FAT4: variants seen among roughly 807,000 people sequenced by gnomAD.
FAT4 encodes FAT atypical cadherin 4.
Under a neutral mutation model 303.9 loss-of-function variants are expected in FAT4, and 84 were observed. The ratio of observed to expected loss-of-function variants is 0.28; its 90% confidence interval spans 0.23 to 0.33. FAT4 has a LOEUF of 0.33. FAT4 is among the 10% of genes least tolerant of loss of function. FAT4 has a pLI of 1.00. For synonymous variants in FAT4, 2,307 were observed against 2,298.8 expected (o/e 1.00, Z -0.10); for missense variants, 6,005 against 6,146.8 (o/e 0.98, Z 0.77).
intron 2 of FAT4, among the ~76,000 whole-genome samples, chr4:125,364,854 T>C (rs988970678): frequency 2.0e-5 from 3 of 151,718 alleles, no homozygotes; most frequent in Non-Finnish European, 4.4e-5. Context: ...CCATCAAGAG[T>C]TTTTATCAAA....
rs918602781 is a variant in FAT4 at position 125,335,549 on chromosome 4, T to A, written c.5175+13963T>A. Among the ~76,000 whole-genome samples, 69 of 152,140 alleles carry A rather than the reference T, an allele frequency of 4.5e-4. 1 individual carries two copies. Among genetic ancestry groups the A allele is most frequent in the Non-Finnish European group, 1.6e-4 (11 of 68,018 alleles). On this transcript the variant is annotated intron_variant, in intron 2 of 17. Transcript: ENST00000394329. ...TATTCCATTAGTTAATAATATAATT[T>A]ATAATACACGGAGGAAACATTTGAA...
intron 2 of FAT4, chr4:125,362,678 AT>A (rs1238382836): frequency 6.6e-6 from 1 of 152,214 alleles, no homozygotes; most frequent in Non-Finnish European, 1.5e-5. Flanking sequence ...AGGAAAATGT[AT>A]TGCACTATAT....
intron 2 of FAT4, among the ~76,000 whole-genome samples, chr4:125,353,160 T>C (rs1732294838): frequency 6.6e-6 from 1 of 151,740 alleles, no homozygotes; most frequent in African/African-American, 2.4e-5. Flanking sequence ...TTTCAAGAAA[T>C]ACTCAGTTCT....
intron 16 of FAT4, among the ~76,000 whole-genome samples, chr4:125,485,669 C>T (rs1330479369): frequency 6.6e-6 from 1 of 152,090 alleles, no homozygotes; most frequent in African/African-American, 2.4e-5. Context: ...TCATTAGAAG[C>T]AGTACCCTCT....
Position 125,317,122 on chromosome 4 carries a change from C to G in FAT4, c.711C>G (p.Asn237Lys). The G allele has an allele frequency of 1.2e-6, 2 of 1,613,720 alleles. No individual in the cohort carries two copies. Among genetic ancestry groups the G allele is most frequent in the Non-Finnish European group, 1.7e-6 (2 of 1,180,022 alleles). Residue 237 changes from asparagine (N) to lysine (K), a missense_variant, in exon 2 of 18, where the codon AAC (asparagine) becomes AAG (lysine). Transcript: ENST00000394329. The surrounding 1 kb of genome is among the most constrained non-coding windows in gnomAD (Gnocchi z 7.0). ...AGCGGCGGGGCTACCTTCAGGTAAA[C>G]GTGACTGTGCAAGACATTAATGACA... ...EPKRRGYLQV[N>K]VTVQDINDNP...
chr4:125,433,765 G>A (rs928984894), intron 7 of FAT4, among the ~76,000 whole-genome samples: 3 of 152,176 alleles, frequency 2.0e-5, no homozygotes, highest in African/African-American at 7.2e-5. Context: ...ATGGGAAAGG[G>A]ATTTAAATAC....
At chr4:125,412,444 ATGT>A (rs1734882844) in intron 5 of FAT4, among the ~76,000 whole-genome samples, 1 of 151,728 alleles carries the variant, frequency 6.6e-6, no homozygotes, top group Non-Finnish European at 1.5e-5. Context: ...TTTATTTTTA[ATGT>A]TGTTACTTAA....
At chr4:125,475,641 C>T (rs544234340) in intron 12 of FAT4, among the ~76,000 whole-genome samples, 107 of 152,148 alleles carry the variant, frequency 7.0e-4, no homozygotes, top group African/African-American at 2.6e-3. Flanking sequence ...CTTGATTTAA[C>T]AAATTTCAAA....
intron 17 of FAT4, among the ~76,000 whole-genome samples, chr4:125,488,923 A>T (rs1220048115): frequency 6.6e-6 from 1 of 152,200 alleles, no homozygotes; most frequent in Non-Finnish European, 1.5e-5. Context: ...ATAAGTCGGA[A>T]AAGAAGACTA....
intron 13 of FAT4, among the ~76,000 whole-genome samples, chr4:125,476,860 C>T (rs1727046971): frequency 6.6e-6 from 1 of 152,046 alleles, no homozygotes; most frequent in Non-Finnish European, 1.5e-5. Flanking sequence ...AATTCTACAG[C>T]ATTTTATTTT....
chr4:125,479,706 A>G (rs748584335), intron 14 of FAT4, 35 bp from the exon 15 acceptor site: 1 of 1,487,288 alleles, frequency 6.7e-7, no homozygotes, highest in Non-Finnish European at 9.1e-7. Context: ...CTCATCTTTT[A>G]TGTGCGTTAT....
At chr4:125,398,990 T>C in intron 3 of FAT4, 75 bp downstream of exon 3, 2 of 1,352,430 alleles carry the variant, frequency 1.5e-6, no homozygotes, top group South Asian at 2.4e-5. Flanking sequence ...ATATGTTGAC[T>C]ACTTTTATTA....
rs1435802643 is a variant in FAT4, at chr4:125,343,795, GA to G, written c.5175+22216del. On this transcript the variant is annotated intron_variant, in intron 2 of 17. Transcript: ENST00000394329. ...GCAGGTTGATTCGAAAGGGCTTTCT[GA>G]AAAAAAGTTTGATCTTAGATTTACA... 7.2e-5 allele frequency among the ~76,000 whole-genome samples: 11 copies of G among 152,084 alleles called. No individual in the cohort carries two copies. The East Asian group carries it at 2.1e-3, about 29-fold the overall frequency.
At position 125,451,896 on chromosome 4, in the gene FAT4, T is replaced by C. The variant is rs763714455; in HGVS notation, c.10886T>C (p.Leu3629Ser). 6.2e-7 allele frequency: 1 copy of C among 1,614,036 alleles called. No homozygotes were observed. Residue 3629 changes from leucine (L) to serine (S), a missense_variant, in exon 10 of 18, where the codon TTG (leucine) becomes TCG (serine). Physicochemically the swap from Leu to Ser is moderately radical, Grantham distance 145 (BLOSUM62 -2). Transcript: ENST00000394329. ...ATATTTGTTAATTATTATGGTAACT[T>C]GTTTCCCGGTGGGATTTTAGGCTCT... Reference protein sequence around the residue: ...VEIFVNYYGNLFPGGILGSVK... With the variant: ...VEIFVNYYGNSFPGGILGSVK...
At position 125,468,571 on chromosome 4, in the gene FAT4, G is replaced by A. The variant is rs1210398214; in HGVS notation, c.11965G>A (p.Glu3989Lys). 1.9e-6 allele frequency: 3 copies of A among 1,613,934 alleles called. No individual in the cohort carries two copies. Among genetic ancestry groups the A allele is most frequent in the South Asian group, 1.1e-5 (1 of 91,072 alleles). ...TGGATTTGAGGAGTTATCATACATGGAATTTCCAAGCTTGGACCCCAATAA... is the reference window on the plus strand; with the variant it reads ...TGGATTTGAGGAGTTATCATACATGAAATTTCCAAGCTTGGACCCCAATAA... ...SYGFEELSYMEFPSLDPNNNY... is the reference protein window; with the variant it reads ...SYGFEELSYMKFPSLDPNNNY... The change falls in exon 12 of 18, where the codon GAA becomes AAA. Residue 3989 changes from glutamate to lysine, a missense_variant. Transcript: ENST00000394329.
intron 6 of FAT4, 146 bp downstream of exon 6, chr4:125,415,952 A>G (rs868290754): frequency 3.3e-5 from 21 of 645,554 alleles, no homozygotes; most frequent in African/African-American, 1.6e-4. Flanking sequence ...CAAATTTTGA[A>G]AAGGAAAGGT....
chr4:125,457,408 AAAGTTT>A (rs1560621324), intron 10 of FAT4, among the ~76,000 whole-genome samples: 3 of 152,134 alleles, frequency 2.0e-5, no homozygotes, highest in African/African-American at 7.2e-5. Context: ...AAATATTCTT[AAAGTTT>A]ATTTTCAAGT....
chr4:125,477,694 T>C (rs1727081395), intron 14 of FAT4, among the ~76,000 whole-genome samples: 1 of 152,006 alleles, frequency 6.6e-6, no homozygotes, highest in African/African-American at 2.4e-5. Flanking sequence ...CATGGACACA[T>C]AGAACTTTAT....
At chr4:125,413,791 A>G (rs188804091) in intron 5 of FAT4, among the ~76,000 whole-genome samples, 51 of 152,152 alleles carry the variant, frequency 3.4e-4, no homozygotes, top group Non-Finnish European at 2.4e-4. Flanking sequence ...AAATTGTTCT[A>G]GACGACTTTT....
Sources: gnomAD v4.1 joint callset for allele counts (sites outside exome capture counted in the v4.1 genomes callset) on GRCh38, gnomAD v4.1.1 for gene constraint, Gnocchi (gnomAD v3.1) non-coding constraint, MANE v1.5 for transcripts, NCBI Gene and HGNC (gene_info 2026-07-23, HGNC 2026-07-21) for gene names.